ZFAND2B: variants seen among roughly 807,000 people sequenced by gnomAD.
ZFAND2B encodes the protein zinc finger AN1-type containing 2B, also known as AN1-type zinc finger protein 2B.
Under a neutral mutation model 38.2 loss-of-function variants are expected in ZFAND2B, and 27 were observed. That is an observed-to-expected ratio of 0.71 (90% confidence interval 0.52 to 0.97). ZFAND2B has a LOEUF of 0.97. Among genes scored for constraint, ZFAND2B ranks in the 50% least tolerant of loss-of-function variants. ZFAND2B has a pLI of 0.00. For missense variants in ZFAND2B, 303 were observed against 331.5 expected, an observed-to-expected ratio of 0.91 and a Z score of 0.67; for synonymous variants, 111 against 119.4, an observed-to-expected ratio of 0.93 and a Z score of 0.46.
intron 1 of ZFAND2B, 83 bp downstream of exon 1, chr2:219,207,125 G>C (rs1574801688): frequency 9.1e-7 from 1 of 1,104,198 alleles, no homozygotes; most frequent in Non-Finnish European, 1.3e-6. Flanking sequence ...TGGGCTCCCA[G>C]GCTGGCAATG....
Position 219,206,911 on chromosome 2 carries a change from G to C in ZFAND2B, c.-77G>C. On this transcript the variant is annotated 5_prime_UTR_variant, in exon 1 of 9. Coordinates refer to ENST00000289528, the MANE Select transcript of ZFAND2B (RefSeq NM_138802.3). Reference sequence around the variant, plus strand: ...GGAGCCCGCCAGAGTGCGGGGTCGCGGTGCGGACTTCGAGCACGAGCCCTA... The same window carrying C: ...GGAGCCCGCCAGAGTGCGGGGTCGCCGTGCGGACTTCGAGCACGAGCCCTA... 1 of 1,506,786 alleles carries C rather than the reference G, an allele frequency of 6.6e-7. No homozygotes were observed. The highest frequency in any genetic ancestry group is 1.2e-5 in the South Asian group (1 of 84,712). 93.3% of individuals were successfully genotyped at this position (1,506,786 alleles called of 1,614,324 possible).
In ZFAND2B at chr2:219,206,960, C is replaced by G. The variant is rs910708698; in HGVS notation, c.-28C>G. 3 of 1,611,812 alleles carry G rather than the reference C, an allele frequency of 1.9e-6. No homozygotes were observed. The highest frequency in any genetic ancestry group is 3.3e-5 in the Admixed American group (2 of 59,882). On this transcript the variant is annotated 5_prime_UTR_variant, in exon 1 of 9. Coordinates refer to ENST00000289528, the MANE Select transcript of ZFAND2B (RefSeq NM_138802.3). ...TAAAGACGCTCAGCACTCGTCGCTT[C>G]TCCTAGCAGACCCTGCCCGGCTTGG...
chr2:219,206,797 G>A lies in ZFAND2B; in HGVS notation c.-191G>A, dbSNP rs1323094880. On this transcript the variant is annotated 5_prime_UTR_variant, in exon 1 of 9. Transcript: ENST00000289528. ...GCGGGATGACGTCAGCGCGCCGCGC[G>A]CGCCGAGGGAGGAGCGGGCGCCGGG... 2.0e-6 allele frequency: 1 copy of A among 497,944 alleles called. No homozygotes were observed. Among genetic ancestry groups the A allele is most frequent in the African/African-American group, 2.0e-5 (1 of 48,840 alleles). 30.8% of individuals were successfully genotyped at this position (497,944 alleles called of 1,614,324 possible).
Position 219,207,656 on chromosome 2 carries a change from G to A in ZFAND2B, c.159G>A (p.Gln53=), listed in dbSNP as rs1224956580. The A allele has an allele frequency of 6.2e-7, 1 of 1,614,238 alleles. No individual in the cohort carries two copies. Among genetic ancestry groups the A allele is most frequent in the Non-Finnish European group, 8.5e-7 (1 of 1,180,050 alleles). ...HCGSAYQKDI[Q]VPVCPLCNVP... ...TTGCTCCTTGACTACAGGATATCCA[G>A]GTACCTGTGTGCCCTCTCTGTAATG... is the stretch of plus-strand genomic sequence containing the variant. Residue 53 remains glutamine, a synonymous_variant, in exon 3 of 9, where the codon CAG becomes CAA. Transcript: ENST00000289528.
intron 4 of ZFAND2B, 79 bp from the exon 5 acceptor site, chr2:219,208,177 G>C: frequency 8.8e-6 from 14 of 1,599,790 alleles, no homozygotes. Context: ...TCAAGTGCAT[G>C]TTTTTCCAGA....
chr2:219,207,220 G>A (rs1345745374), intron 1 of ZFAND2B, 107 bp from the exon 2 acceptor site: 2 of 1,405,456 alleles, frequency 1.4e-6, no homozygotes, highest in Admixed American at 1.7e-5. Context: ...GGGAAGGGGC[G>A]GTGTGTCGAA....
At position 219,208,580 on chromosome 2, in the gene ZFAND2B, T is replaced by G. The variant is rs780965862; in HGVS notation, c.597T>G (p.Asp199Glu). Residue 199 changes from aspartate (D) to glutamate (E), a missense_variant, in exon 7 of 9, where the codon GAT becomes GAG. By Grantham distance (45) the Asp-to-Glu change is conservative. Coordinates refer to ENST00000289528, the MANE Select transcript of ZFAND2B (RefSeq NM_138802.3). ...TCTTTCTCCCTTTGTAGAGTGAGGA[T>G]GAAGCTCTGCAGCGGGCCCTGGAAA... ...VIALQNGLSE[D>E]EALQRALEMS... is the part of the protein sequence containing the mutation. The G allele has an allele frequency of 1.6e-5, 26 of 1,614,028 alleles. No homozygotes were observed. The African/African-American group carries it at 3.2e-4, about 20-fold the overall frequency.
Position 219,209,259 on chromosome 2 carries a change from T to A in ZFAND2B, c.730-3T>A. On this transcript the variant is annotated splice_region_variant and splice_polypyrimidine_tract_variant and intron_variant, in intron 8 of 8. Transcript: ENST00000289528. ...TCCCCTCCTTCCCCTCTCTTTGCTC[T>A]AGGCCCAGAGCCGCAGCTCGAAGCC... The A allele has an allele frequency of 6.2e-7, 1 of 1,608,048 alleles. No homozygotes were observed. The highest frequency in any genetic ancestry group is 1.7e-5 in the Admixed American group (1 of 59,542).
In ZFAND2B at chr2:219,209,353, C is replaced by G; in HGVS notation, c.*47C>G. On this transcript the variant is annotated 3_prime_UTR_variant, in exon 9 of 9. Coordinates refer to ENST00000289528, the MANE Select transcript of ZFAND2B (RefSeq NM_138802.3). ...GGTTCACCTGAGGAGGACTGTGGCC[C>G]TCACACCTCTAGGGTACACAGGGAG... 1.3e-6 allele frequency: 2 copies of G among 1,594,810 alleles called. No homozygotes were observed. The highest frequency in any genetic ancestry group is 2.3e-5 in the East Asian group (1 of 44,438).
rs1178995079 is a variant in ZFAND2B at position 219,209,388 on chromosome 2, G to A, written c.*82G>A. 4.0e-6 allele frequency: 6 copies of A among 1,507,870 alleles called. No individual in the cohort carries two copies. Among genetic ancestry groups the A allele is most frequent in the African/African-American group, 2.7e-5 (2 of 73,158 alleles). 93.4% of individuals were successfully genotyped at this position (1,507,870 alleles called of 1,614,324 possible). On this transcript the variant is annotated 3_prime_UTR_variant, in exon 9 of 9. Transcript: ENST00000289528. ...TAGGGTACACAGGGAGAGGAGGCCC[G>A]GAGCACCCTGGAGGGCAGAGACAAG... is the stretch of plus-strand genomic sequence containing the variant.
intron 2 of ZFAND2B, 60 bp from the exon 3 acceptor site, chr2:219,207,588 G>A (rs983251945): frequency 1.9e-5 from 30 of 1,603,996 alleles, no homozygotes; most frequent in Middle Eastern, 1.7e-4. Context: ...AGTTCTTTCA[G>A]GACCAGAGAT....
chr2:219,208,399 C>T (rs544754403), intron 5 of ZFAND2B, 27 bp from the exon 6 acceptor site: 4 of 1,614,226 alleles, frequency 2.5e-6, no homozygotes, highest in Non-Finnish European at 3.4e-6. Flanking sequence ...ACACCTCTGA[C>T]CTCCACCTCT....
rs572055687 is a variant in ZFAND2B at position 219,207,469 on chromosome 2, G to A, written c.150+48G>A. 1.1e-5 allele frequency: 17 copies of A among 1,594,032 alleles called. No homozygotes were observed. The South Asian group carries it at 1.8e-4, about 17-fold the overall frequency. ...GAAAGCAGGCAGATGGAGAATGCGT[G>A]CAGAATCCCCCAAATCTGTGTCTCA... is the stretch of plus-strand genomic sequence containing the variant. On this transcript the variant is annotated intron_variant, in intron 2 of 8. Transcript: ENST00000289528.
chr2:219,208,313 A>G lies in ZFAND2B; in HGVS notation c.492A>G (p.Pro164=), dbSNP rs1241143316. 1 of 1,614,096 alleles carries G rather than the reference A, an allele frequency of 6.2e-7. No individual in the cohort carries two copies. The change falls in exon 5 of 9, where the codon CCA becomes CCG. Residue 164 remains proline, a synonymous_variant. Coordinates refer to ENST00000289528, the MANE Select transcript of ZFAND2B (RefSeq NM_138802.3). ...CTTCTACAAGCACTGTCCCCAGCCC[A>G]AGTCAAACCATGCCTTCCTGTACCT... is the stretch of plus-strand genomic sequence containing the variant. The part of the protein sequence containing the change: ...AVASTSTVPS[P]SQTMPSCTSP...
Position 219,209,324 on chromosome 2 carries a change from G to A in ZFAND2B, c.*18G>A. On this transcript the variant is annotated 3_prime_UTR_variant, in exon 9 of 9. Transcript: ENST00000289528. ...TGTGCTAGGGCCCTGGGCTTGGGGAGGGAGGTTCACCTGAGGAGGACTGTG... is the reference window on the plus strand; with the variant it reads ...TGTGCTAGGGCCCTGGGCTTGGGGAAGGAGGTTCACCTGAGGAGGACTGTG... 1 of 1,608,762 alleles carries A rather than the reference G, an allele frequency of 6.2e-7. No homozygotes were observed. The highest frequency in any genetic ancestry group is 8.5e-7 in the Non-Finnish European group (1 of 1,178,214).
At chr2:219,208,184 C>T in intron 4 of ZFAND2B, 72 bp from the exon 5 acceptor site, 1 of 1,600,264 alleles carries the variant, frequency 6.2e-7, no homozygotes, top group Non-Finnish European at 8.6e-7. Flanking sequence ...CATGTTTTTC[C>T]AGAACTCCCC....
At position 219,208,462 on chromosome 2, in the gene ZFAND2B, A is replaced by G. The variant is rs1036015747; in HGVS notation, c.564A>G (p.Pro188=). 6.2e-7 allele frequency: 1 copy of G among 1,614,078 alleles called. No individual in the cohort carries two copies. Among genetic ancestry groups the G allele is most frequent in the African/African-American group, 1.3e-5 (1 of 74,924 alleles). ...TTRSPSWTAP[P]VIALQNGLSE... ...GATCTCCGTCCTGGACAGCCCCTCC[A>G]GTGATTGCTTTGCAGAATGGCCTGG... The change falls in exon 6 of 9, where the codon CCA becomes CCG. Residue 188 remains proline, a synonymous_variant. Coordinates refer to ENST00000289528, the MANE Select transcript of ZFAND2B (RefSeq NM_138802.3).
chr2:219,208,030 C>A lies in ZFAND2B; in HGVS notation c.426C>A (p.Ser142Arg), dbSNP rs1229127852. 1 of 1,613,860 alleles carries A rather than the reference C, an allele frequency of 6.2e-7. No individual in the cohort carries two copies. The highest frequency in any genetic ancestry group is 1.3e-5 in the African/African-American group (1 of 74,920). ...GCTCTGGGGAGGGGCACCCAACCAG[C>A]CGGGCAGGGTAATGGCAGCCAAGTC... The part of the protein sequence containing the change: ...HDCSGEGHPT[S>R]RAGLAAISRA... The change falls in exon 4 of 9, where the codon AGC becomes AGA. Residue 142 changes from serine to arginine, a missense_variant. Ser to Arg is a moderately radical substitution (Grantham distance 110). Transcript: ENST00000289528.
chr2:219,209,514 C>T lies in ZFAND2B; in HGVS notation c.*208C>T, dbSNP rs1477896589. On this transcript the variant is annotated 3_prime_UTR_variant, in exon 9 of 9. Coordinates refer to ENST00000289528, the MANE Select transcript of ZFAND2B (RefSeq NM_138802.3). The stretch of plus-strand genomic sequence containing the variant: ...CTAGCAACTGTTCCCTGGTTGGGCC[C>T]TCAGTGGATGCTGGCCAGGCCCTAC... 10 of 721,636 alleles carry T rather than the reference C, an allele frequency of 1.4e-5. No homozygotes were observed. Among genetic ancestry groups the T allele is most frequent in the Non-Finnish European group, 2.5e-5 (10 of 392,856 alleles). The allele number at this position is 721,636 out of a possible 1,614,324, so 44.7% of individuals were successfully genotyped here.
Sources: allele counts gnomAD v4.1 joint callset, GRCh38; gene constraint gnomAD v4.1.1; transcripts MANE v1.5; gene names NCBI Gene and HGNC (gene_info 2026-07-23, HGNC 2026-07-21).